Variants in ADAMTSL1 observed in about 807,000 individuals in gnomAD.
ADAMTSL1 encodes the protein ADAMTS-like protein 1.
ADAMTSL1 carries 126 observed loss-of-function variants against 201.8 expected under a neutral mutation model. The observed-to-expected ratio is 0.62, with a 90% CI of 0.54 to 0.72. The LOEUF is 0.72. Ranked by LOEUF, ADAMTSL1 falls within the 30% of genes least tolerant of loss-of-function variation. The probability of loss-of-function intolerance (pLI) is 0.00; values close to 1 mark genes in which losing one functional copy is unlikely to be tolerated. For synonymous variants in ADAMTSL1, 1,121 were observed against 903.4 expected (o/e 1.24, Z -4.32); for missense variants, 2,679 against 2,277.8 (o/e 1.18, Z -3.59).
At chr9:18,086,005 G>T (rs923218551) in intron 1 of ADAMTSL1, among the ~76,000 whole-genome samples, 3 of 152,042 alleles carry the variant, frequency 2.0e-5, no homozygotes, top group Admixed American at 1.3e-4. Context: ...GCACAGATTG[G>T]GTATGAGGTG....
chr9:18,564,743 T>C (rs1018019343), intron 3 of ADAMTSL1, among the ~76,000 whole-genome samples: 17 of 152,184 alleles, frequency 1.1e-4, no homozygotes, highest in Non-Finnish European at 1.5e-5. Context: ...AGAACACTTA[T>C]TTTAGACTAT....
intron 1 of ADAMTSL1, among the ~76,000 whole-genome samples, chr9:18,041,978 T>C (rs1016166909): frequency 1.3e-5 from 2 of 152,084 alleles, no homozygotes; most frequent in African/African-American, 4.8e-5. Context: ...TTGGTTACTT[T>C]AAATTTTGGT....
At chr9:17,933,263 C>T (rs1261324074) in intron 1 of ADAMTSL1, among the ~76,000 whole-genome samples, 1 of 152,166 alleles carries the variant, frequency 6.6e-6, no homozygotes, top group Non-Finnish European at 1.5e-5. Flanking sequence ...TCACTCCACT[C>T]TCTGCTTCTG....
intron 1 of ADAMTSL1, among the ~76,000 whole-genome samples, chr9:18,024,439 C>A (rs1375071783): frequency 1.3e-5 from 2 of 151,976 alleles, no homozygotes; most frequent in African/African-American, 4.8e-5. Context: ...CTAGTACTCC[C>A]TAGTGTCTAT....
At chr9:18,091,696 A>G (rs1198185732) in intron 1 of ADAMTSL1, among the ~76,000 whole-genome samples, 1 of 152,204 alleles carries the variant, frequency 6.6e-6, no homozygotes, top group Middle Eastern at 3.2e-3. Flanking sequence ...TAGCCATCAC[A>G]GTGAACTTAT....
chr9:18,593,498 G>T (rs1824056129), intron 4 of ADAMTSL1, among the ~76,000 whole-genome samples: 1 of 151,794 alleles, frequency 6.6e-6, no homozygotes. Context: ...CTGTTAAATT[G>T]TTTATTTGAA....
At chr9:18,269,763 C>T (rs1193696027) in intron 2 of ADAMTSL1, among the ~76,000 whole-genome samples, 1 of 151,776 alleles carries the variant, frequency 6.6e-6, no homozygotes, top group Non-Finnish European at 1.5e-5. Context: ...AACCCTAAGC[C>T]TTTCCCAGAA....
intron 13 of ADAMTSL1, among the ~76,000 whole-genome samples, chr9:18,688,208 C>T (rs1390755951): frequency 6.6e-6 from 1 of 151,516 alleles, no homozygotes; most frequent in African/African-American, 2.4e-5. Context: ...ACTGCAATCT[C>T]TACCTCCTGG....
intron 1 of ADAMTSL1, among the ~76,000 whole-genome samples, chr9:18,493,109 A>G (rs987900355): frequency 2.0e-5 from 3 of 152,146 alleles, no homozygotes; most frequent in Non-Finnish European, 4.4e-5. Context: ...TTTTGCCTCT[A>G]TTAATTTATT....
chr9:18,492,459 G>A (rs1192940310), intron 1 of ADAMTSL1, among the ~76,000 whole-genome samples: 1 of 152,118 alleles, frequency 6.6e-6, no homozygotes, highest in Non-Finnish European at 1.5e-5. Flanking sequence ...GGTTCTGGAT[G>A]CAGAAAATTG....
intron 23 of ADAMTSL1, among the ~76,000 whole-genome samples, chr9:18,884,516 C>G (rs773816679): frequency 6.6e-6 from 1 of 151,400 alleles, no homozygotes; most frequent in East Asian, 1.9e-4. Flanking sequence ...TTTTCCCCTG[C>G]GATTTTTTTT....
chr9:18,319,600 T>G (rs960134883), intron 2 of ADAMTSL1, among the ~76,000 whole-genome samples: 3 of 152,112 alleles, frequency 2.0e-5, no homozygotes, highest in Non-Finnish European at 4.4e-5. Flanking sequence ...AAAAGCCACC[T>G]CACTCCTTGG....
chr9:18,696,415 G>C (rs1479977003), intron 13 of ADAMTSL1, among the ~76,000 whole-genome samples: 1 of 152,214 alleles, frequency 6.6e-6, no homozygotes, highest in Non-Finnish European at 1.5e-5. Context: ...GGGAGATGAA[G>C]ATGGAAAATG....
chr9:18,382,778 C>G (rs930376214), intron 2 of ADAMTSL1, among the ~76,000 whole-genome samples: 4 of 150,284 alleles, frequency 2.7e-5, no homozygotes, highest in Admixed American at 1.3e-4. Context: ...AACTGAACAC[C>G]TACTGAAAAG....
intron 23 of ADAMTSL1, among the ~76,000 whole-genome samples, chr9:18,881,737 A>G (rs1307412169): frequency 6.6e-6 from 1 of 152,218 alleles, no homozygotes. Context: ...AGGATCCATG[A>G]AGTGCAATAA....
chr9:18,078,122 G>A (rs1169436389), intron 1 of ADAMTSL1, among the ~76,000 whole-genome samples: 2 of 152,348 alleles, frequency 1.3e-5, no homozygotes, highest in African/African-American at 4.8e-5. Flanking sequence ...GCTGGGCTGT[G>A]TTGAGAGCCC....
intron 2 of ADAMTSL1, among the ~76,000 whole-genome samples, chr9:18,365,347 G>C (rs1340948445): frequency 1.3e-5 from 2 of 151,990 alleles, no homozygotes; most frequent in African/African-American, 4.8e-5. Flanking sequence ...CAATTCAAAA[G>C]CAGCACACTC....
chr9:18,768,642 C>T (rs1820505270), intron 16 of ADAMTSL1, among the ~76,000 whole-genome samples: 1 of 151,930 alleles, frequency 6.6e-6, no homozygotes, highest in African/African-American at 2.4e-5. Flanking sequence ...AAAGGTTTCT[C>T]ACCATTGATT....
intron 14 of ADAMTSL1, among the ~76,000 whole-genome samples, chr9:18,720,660 G>A (rs1833287523): frequency 6.6e-6 from 1 of 152,176 alleles, no homozygotes; most frequent in African/African-American, 2.4e-5. Context: ...GCACACGCCT[G>A]TAATCCCAGC....
Sources: allele counts gnomAD v4.1 joint callset (sites outside exome capture counted in the v4.1 genomes callset), GRCh38; gene constraint gnomAD v4.1.1; transcripts MANE v1.5; gene names NCBI Gene and HGNC (gene_info 2026-07-23, HGNC 2026-07-21).